Variants in NXPE4 observed in about 807,000 individuals in gnomAD.
The protein encoded by NXPE4 is neurexophilin and PC-esterase domain family member 4.
A neutral mutation model predicts 33.3 loss-of-function variants in NXPE4; 42 were observed. The observed-to-expected ratio is 1.26, with a 90% CI of 0.98 to 1.63. The LOEUF is 1.63. Among genes scored for constraint, NXPE4 ranks in the 40% most tolerant of loss-of-function variants. NXPE4 has a pLI of 0.00. For synonymous variants in NXPE4, 253 were observed against 234.9 expected (o/e 1.08, Z -0.71); for missense variants, 709 against 647.6 (o/e 1.09, Z -1.03).
chr11:114,645,240 G>T, the NXPE4 span, among the ~76,000 whole-genome samples: 2 of 152,092 alleles, frequency 1.3e-5, no homozygotes, highest in African/African-American at 4.8e-5. Context: ...GGCAGAAGCT[G>T]CAGTGAGCTG....
chr11:114,609,829 G>A, the NXPE4 span, among the ~76,000 whole-genome samples: 1 of 151,208 alleles, frequency 6.6e-6, no homozygotes, highest in Non-Finnish European at 1.5e-5. Context: ...GATTACCATG[G>A]TAACCCGATG....
At chr11:114,663,637 C>CTATCTATCTATCTATCATCT in the NXPE4 span, among the ~76,000 whole-genome samples, 18 of 138,868 alleles carry the variant, frequency 1.3e-4, no homozygotes, top group South Asian at 2.5e-4. Context: ...ATCTATCTAT[C>CTATCTATCTATCTATCATCT]ATCTATCCAT....
At chr11:114,625,694 G>C in the NXPE4 span, among the ~76,000 whole-genome samples, 1 of 152,152 alleles carries the variant, frequency 6.6e-6, no homozygotes, top group Non-Finnish European at 1.5e-5. Context: ...AGTAGGAACA[G>C]CCCCGGTCTA....
chr11:114,676,386 A>G, the NXPE4 span, among the ~76,000 whole-genome samples: 35 of 149,454 alleles, frequency 2.3e-4, no homozygotes, highest in South Asian at 2.1e-4. Flanking sequence ...TAAATTAAAT[A>G]TAAAAGAACT....
At chr11:114,588,853 AAT>A (rs1385091626) in intron 2 of NXPE4, among the ~76,000 whole-genome samples, 1 of 152,094 alleles carries the variant, frequency 6.6e-6, no homozygotes, top group Admixed American at 6.5e-5. Flanking sequence ...GCTCATCCTA[AAT>A]GACAAGTTTA....
At chr11:114,620,545 C>A in the NXPE4 span, among the ~76,000 whole-genome samples, 1 of 151,862 alleles carries the variant, frequency 6.6e-6, no homozygotes, top group African/African-American at 2.4e-5. Flanking sequence ...ATAAGTGTTG[C>A]CTCTAGGGTA....
chr11:114,582,936 G>A lies in NXPE4; in HGVS notation c.182C>T (p.Ser61Leu). The A allele has an allele frequency of 6.2e-7, 1 of 1,614,164 alleles. No homozygotes were observed. The highest frequency in any genetic ancestry group is 8.5e-7 in the Non-Finnish European group (1 of 1,180,030). ...KSLFPKTPLI[S>L]LKPLTETELR... ...TTCAGTCTCTGTTAGTGGCTTTAAT[G>A]ATATCAGTGGTGTTTTAGGGAATAA... The change falls in exon 3 of 6, where the codon TCA becomes TTA. Residue 61 changes from serine (S) to leucine (L), a missense_variant. Physicochemically the swap from Ser to Leu is moderately radical, Grantham distance 145 (BLOSUM62 -2). Transcript: ENST00000375478.
the NXPE4 span, among the ~76,000 whole-genome samples, chr11:114,639,975 T>G: frequency 1.1e-4 from 9 of 79,080 alleles, no homozygotes; most frequent in African/African-American, 3.1e-4. Flanking sequence ...ATATTATATA[T>G]AATATAATAT....
chr11:114,661,510 G>C, the NXPE4 span, among the ~76,000 whole-genome samples: 1 of 152,180 alleles, frequency 6.6e-6, no homozygotes, highest in Non-Finnish European at 1.5e-5. Context: ...TATTGCAACT[G>C]ATGGACTTCA....
chr11:114,606,083 G>A, the NXPE4 span, among the ~76,000 whole-genome samples: 1 of 151,844 alleles, frequency 6.6e-6, no homozygotes, highest in African/African-American at 2.4e-5. Flanking sequence ...TGAATAATAA[G>A]TATTACCTCA....
chr11:114,585,378 C>A (rs1375015824), intron 2 of NXPE4, among the ~76,000 whole-genome samples: 1 of 152,026 alleles, frequency 6.6e-6, no homozygotes, highest in African/African-American at 2.4e-5. Flanking sequence ...TATCCTTCTG[C>A]AAGAGATTCA....
At chr11:114,632,484 T>G in the NXPE4 span, among the ~76,000 whole-genome samples, 1 of 126,866 alleles carries the variant, frequency 7.9e-6, no homozygotes, top group Non-Finnish European at 1.6e-5. Flanking sequence ...TATATAATAC[T>G]CCATAATATA....
chr11:114,606,879 A>G, the NXPE4 span, among the ~76,000 whole-genome samples: 2 of 147,504 alleles, frequency 1.4e-5, no homozygotes, highest in East Asian at 2.1e-4. Context: ...GATAATAAGT[A>G]TTGCCTCATG....
the NXPE4 span, among the ~76,000 whole-genome samples, chr11:114,619,923 G>A: frequency 6.6e-6 from 1 of 151,812 alleles, no homozygotes; most frequent in Non-Finnish European, 1.5e-5. Context: ...TTACCTCATG[G>A]GTAACCACTG....
the NXPE4 span, among the ~76,000 whole-genome samples, chr11:114,610,572 C>T: frequency 1.0e-4 from 11 of 106,540 alleles, no homozygotes; most frequent in African/African-American, 1.5e-4. Context: ...CACTGTTACC[C>T]GGTGGATAAT....
chr11:114,666,702 T>C, the NXPE4 span, among the ~76,000 whole-genome samples: 1 of 152,134 alleles, frequency 6.6e-6, no homozygotes, highest in Non-Finnish European at 1.5e-5. Context: ...TAAAGAGGTA[T>C]TAGGGTCTCA....
the NXPE4 span, among the ~76,000 whole-genome samples, chr11:114,662,133 A>G: frequency 6.6e-6 from 1 of 152,192 alleles, no homozygotes; most frequent in Non-Finnish European, 1.5e-5. Context: ...AGAGGCACTG[A>G]AGAAGTAGGA....
At chr11:114,674,246 A>C in the NXPE4 span, among the ~76,000 whole-genome samples, 2 of 151,986 alleles carry the variant, frequency 1.3e-5, no homozygotes, top group African/African-American at 4.8e-5. Context: ...AAAATGTTTA[A>C]AATTATTTGC....
At chr11:114,646,195 T>G in the NXPE4 span, among the ~76,000 whole-genome samples, 1 of 152,074 alleles carries the variant, frequency 6.6e-6, no homozygotes, top group South Asian at 2.1e-4. Flanking sequence ...TGTCTAAAGT[T>G]TCTCTGTTAA....
Sources: gnomAD v4.1 joint callset for allele counts (sites outside exome capture counted in the v4.1 genomes callset) on GRCh38, gnomAD v4.1.1 for gene constraint, MANE v1.5 for transcripts, NCBI Gene and HGNC (gene_info 2026-07-23, HGNC 2026-07-21) for gene names.